KDM6B: variants seen among roughly 807,000 people sequenced by gnomAD.
KDM6B encodes lysine-specific demethylase 6B.
A neutral mutation model predicts 150.4 loss-of-function variants in KDM6B; 22 were observed. The observed-to-expected ratio is 0.15, with a 90% CI of 0.10 to 0.21. The LOEUF (loss-of-function observed/expected upper bound fraction) is 0.21, where lower values mean the gene tolerates loss of function less well. Among genes scored for constraint, KDM6B ranks in the 10% least tolerant of loss-of-function variants. The probability of loss-of-function intolerance (pLI) is 1.00; values close to 1 mark genes in which losing one functional copy is unlikely to be tolerated. For synonymous variants in KDM6B, 1,148 were observed against 921.1 expected, an observed-to-expected ratio of 1.25 and a Z score of -4.46; for missense variants, 1,984 against 2,234.3, an observed-to-expected ratio of 0.89 and a Z score of 2.26.
At chr17:7,842,380 G>A (rs2078435564) in intron 2 of KDM6B, among the ~76,000 whole-genome samples, 1 of 152,186 alleles carries the variant, frequency 6.6e-6, no homozygotes, top group African/African-American at 2.4e-5. Context: ...TGTGGGTCGG[G>A]TCGGGAGAGG....
chr17:7,848,015 A>T lies in KDM6B; in HGVS notation c.1727A>T (p.Tyr576Phe). 6.3e-7 allele frequency: 1 copy of T among 1,592,284 alleles called. No individual in the cohort carries two copies. Among genetic ancestry groups the T allele is most frequent in the Non-Finnish European group, 8.5e-7 (1 of 1,172,000 alleles). Residue 576 changes from tyrosine (Y) to phenylalanine (F), a missense_variant, in exon 12 of 24, where the codon TAT (tyrosine) becomes TTT (phenylalanine). By Grantham distance (22) the Tyr-to-Phe change is conservative. Coordinates refer to ENST00000448097, the MANE Select transcript of KDM6B (RefSeq NM_001348716.2). ...CCTGTGTCCTTTCCCCCACCACCCT[A>T]TCTGGCCAGAAGTATAGACCCCCTT... ...AGPVSFPPPP[Y>F]LARSIDPLPR...
At chr17:7,835,309 C>T (rs1023524326) in intron 1 of KDM6B, among the ~76,000 whole-genome samples, 2 of 152,058 alleles carry the variant, frequency 1.3e-5, no homozygotes, top group Non-Finnish European at 2.9e-5. Context: ...TATGTTGTGA[C>T]ACTGGTGGGG....
At position 7,847,422 on chromosome 17, in the gene KDM6B, T is replaced by G; in HGVS notation, c.1227T>G (p.Gly409=). 1 of 1,613,360 alleles carries G rather than the reference T, an allele frequency of 6.2e-7. No individual in the cohort carries two copies. The highest frequency in any genetic ancestry group is 8.5e-7 in the Non-Finnish European group (1 of 1,179,882). ...GCAGTAGCAGCAGCAGCAACACTGG[T>G]CTCCGGGGCGTGGAGCCGAACCCAG... ...SSSSSSSSNT[G]LRGVEPNPGI... is the part of the protein sequence containing the mutation. Residue 409 remains glycine, a synonymous_variant, in exon 11 of 24, where the codon GGT becomes GGG. Transcript: ENST00000448097.
chr17:7,840,672 T>A (rs2151370418), intron 2 of KDM6B: 1 of 152,384 alleles, frequency 6.6e-6, no homozygotes, highest in East Asian at 1.9e-4. Flanking sequence ...AGCCAGGGGC[T>A]TAAGTTCTCT....
chr17:7,834,455 G>C (rs1278331758), intron 1 of KDM6B, among the ~76,000 whole-genome samples, 105 bp downstream of exon 1: 1 of 152,082 alleles, frequency 6.6e-6, no homozygotes, highest in African/African-American at 2.4e-5. Flanking sequence ...TGGACGTTTG[G>C]GTCTTGGGAA....
chr17:7,845,355 G>T lies in KDM6B; in HGVS notation c.-107G>T. On this transcript the variant is annotated 5_prime_UTR_variant, in exon 4 of 24. Coordinates refer to ENST00000448097, the MANE Select transcript of KDM6B (RefSeq NM_001348716.2). ...ACTGAGGCAGCCATCTGGGGGTAGC[G>T]GGCACTCTTATCAGAGCGGCTGGAG... 2.9e-6 allele frequency: 2 copies of T among 679,446 alleles called. No homozygotes were observed. The highest frequency in any genetic ancestry group is 2.7e-6 in the Non-Finnish European group (1 of 376,104). The allele number at this position is 679,446 out of a possible 1,614,324, so 42.1% of individuals were successfully genotyped here.
At chr17:7,846,371 G>GGCCCGGCCCCCCCCC in intron 7 of KDM6B, 29 bp from the exon 8 acceptor site, 1 of 1,488,926 alleles carries the variant, frequency 6.7e-7, no homozygotes, top group Non-Finnish European at 9.2e-7. Context: ...CCTGACATCT[G>GGCCCGGCCCCCCCCC]CCCCTGCCCC....
intron 14 of KDM6B, 63 bp from the exon 15 acceptor site, chr17:7,850,958 A>G: frequency 1.4e-6 from 2 of 1,432,874 alleles, no homozygotes; most frequent in Non-Finnish European, 1.9e-6. Context: ...GAAAGGGTCG[A>G]TTGGGTCCTC....
intron 11 of KDM6B, 30 bp from the exon 12 acceptor site, chr17:7,847,516 T>C (rs371304390): frequency 6.8e-5 from 110 of 1,612,828 alleles, no homozygotes; most frequent in Non-Finnish European, 8.5e-5. Context: ...GCCCGAGCAA[T>C]GCTCCTACCA....
At chr17:7,840,877 C>G (rs1334195996) in intron 2 of KDM6B, among the ~76,000 whole-genome samples, 8 of 152,136 alleles carry the variant, frequency 5.3e-5, no homozygotes, top group Non-Finnish European at 4.4e-5. Flanking sequence ...CCTACTTTAT[C>G]CTCTAGAGGA....
chr17:7,853,342 A>G lies in KDM6B; in HGVS notation c.4870A>G (p.Thr1624Ala). ...CGTGGTGGTGCTGGAGCAGTACCGC[A>G]CTGAGGAGCTGGCTCAGGCCTACGA... ...QGVVVLEQYR[T>A]EELAQAYDAF... The change falls in exon 23 of 24, where the codon ACT becomes GCT. Residue 1624 changes from threonine to alanine, a missense_variant. By Grantham distance (58) the Thr-to-Ala change is moderately conservative. Around this residue, in one of 13 missense-constraint regions of KDM6B, gnomAD observed 58 missense variants for 76.4 expected, o/e 0.76. Coordinates refer to ENST00000448097, the MANE Select transcript of KDM6B (RefSeq NM_001348716.2). 6.3e-7 allele frequency: 1 copy of G among 1,575,970 alleles called. No individual in the cohort carries two copies. Among genetic ancestry groups the G allele is most frequent in the Non-Finnish European group, 8.6e-7 (1 of 1,163,372 alleles).
intron 1 of KDM6B, among the ~76,000 whole-genome samples, chr17:7,837,143 C>G (rs946430155): frequency 6.6e-6 from 1 of 152,228 alleles, no homozygotes; most frequent in Non-Finnish European, 1.5e-5. Flanking sequence ...AGAGCTTCCC[C>G]TCCAAGGCTC....
chr17:7,853,446 C>T (rs2078744876), intron 23 of KDM6B, 52 bp from the exon 24 acceptor site: 4 of 1,521,344 alleles, frequency 2.6e-6, no homozygotes, highest in East Asian at 2.5e-5. Flanking sequence ...GGACGGGCTT[C>T]GGGAGCCCGG....
Position 7,849,836 on chromosome 17 carries a change from A to G in KDM6B, c.3456A>G (p.Lys1152=), listed in dbSNP as rs773166272. The part of the protein sequence containing the change: ...VVRASRNAKV[K]GKFRESYLSP... ...CCTCCCGCAGGAATGCCAAGGTGAA[A>G]GGGAAGTTTCGAGAGTCCTACCTTT... Residue 1152 remains lysine (K), a synonymous_variant, in exon 13 of 24, where the codon AAA becomes AAG. Transcript: ENST00000448097. The G allele has an allele frequency of 1.2e-6, 2 of 1,613,150 alleles. No homozygotes were observed. The highest frequency in any genetic ancestry group is 3.3e-5 in the Admixed American group (2 of 60,024).
chr17:7,836,227 C>T (rs1005782914), intron 1 of KDM6B, among the ~76,000 whole-genome samples: 4 of 152,256 alleles, frequency 2.6e-5, no homozygotes, highest in Non-Finnish European at 5.9e-5. Flanking sequence ...AATTCCTGCT[C>T]TTTGATGTGC....
chr17:7,852,996 C>A lies in KDM6B; in HGVS notation c.4611-4C>A, dbSNP rs1444798302. 1 of 1,613,862 alleles carries A rather than the reference C, an allele frequency of 6.2e-7. No homozygotes were observed. Among genetic ancestry groups the A allele is most frequent in the Non-Finnish European group, 8.5e-7 (1 of 1,180,026 alleles). ...GGTCTCAACACAACCCCACTGCTCC[C>A]CAGGTTCTGCCTGCTGCAGTCCATG... On this transcript the variant is annotated splice_region_variant and splice_polypyrimidine_tract_variant and intron_variant, in intron 21 of 23. Coordinates refer to ENST00000448097, the MANE Select transcript of KDM6B (RefSeq NM_001348716.2).
chr17:7,850,983 GCCTC>G, intron 14 of KDM6B, 34 bp from the exon 15 acceptor site: 2 of 1,303,520 alleles, frequency 1.5e-6, no homozygotes, highest in East Asian at 1.2e-4. Context: ...CCTATCCTCT[GCCTC>G]TGCCCCGACA....
Position 7,853,119 on chromosome 17 carries a change from A to T in KDM6B, c.4730A>T (p.Glu1577Val). ...VKDEPAYYCN[E>V]CDVEVFNILF... ...GACGAGCCAGCCTACTACTGCAACGAGTGCGATGTGAGTGGGCCGGCTCTG... is the reference window on the plus strand; with the variant it reads ...GACGAGCCAGCCTACTACTGCAACGTGTGCGATGTGAGTGGGCCGGCTCTG... The change falls in exon 22 of 24, where the codon GAG (glutamate) becomes GTG (valine). Residue 1577 changes from glutamate to valine, a missense_variant. By Grantham distance (121) the Glu-to-Val change is moderately radical. This residue lies in a region of KDM6B where 7 missense variants were observed against 39.7 expected (regional missense o/e 0.18). Coordinates refer to ENST00000448097, the MANE Select transcript of KDM6B (RefSeq NM_001348716.2). The T allele has an allele frequency of 6.2e-7, 1 of 1,614,128 alleles. No homozygotes were observed. Among genetic ancestry groups the T allele is most frequent in the Non-Finnish European group, 8.5e-7 (1 of 1,180,008 alleles).
chr17:7,845,617 C>T lies in KDM6B; in HGVS notation c.63C>T (p.Gly21=), dbSNP rs549560063. The change falls in exon 5 of 24, where the codon GGC becomes GGT. Residue 21 remains glycine, a synonymous_variant. Transcript: ENST00000448097. ...CACGGGAAGCCTTTGCCCTTGGGGG[C>T]CTGAGCTGTGCTGGGGCCTGGAGCT... ...RAAREAFALG[G]LSCAGAWSSC... The T allele has an allele frequency of 1.9e-6, 3 of 1,614,074 alleles. No homozygotes were observed. The highest frequency in any genetic ancestry group is 1.3e-5 in the African/African-American group (1 of 74,946).
Sources: allele counts gnomAD v4.1 joint callset (sites outside exome capture counted in the v4.1 genomes callset), GRCh38; gene constraint gnomAD v4.1.1; regional missense constraint gnomAD v4.1.1; transcripts MANE v1.5; gene names NCBI Gene and HGNC (gene_info 2026-07-23, HGNC 2026-07-21).